Variants in GNAL observed in about 807,000 individuals in gnomAD.
GNAL encodes the protein G protein subunit alpha L, also known as guanine nucleotide-binding protein G(olf) subunit alpha.
Under a neutral mutation model 55.1 loss-of-function variants are expected in GNAL, and 18 were observed. That is an observed-to-expected ratio of 0.33 (90% confidence interval 0.23 to 0.48). GNAL has a LOEUF of 0.48. GNAL is among the 20% of genes least tolerant of loss of function. The pLI is 0.99. For synonymous variants in GNAL, 253 were observed against 237.0 expected (o/e 1.07, Z -0.62); for missense variants, 412 against 614.1 (o/e 0.67, Z 3.48).
intron 5 of GNAL, among the ~76,000 whole-genome samples, chr18:11,848,267 T>C (rs1404460423): frequency 6.6e-6 from 1 of 152,054 alleles, no homozygotes; most frequent in Non-Finnish European, 1.5e-5. Flanking sequence ...GCTGGGGAAC[T>C]GTCAGGGAGA....
At position 11,884,858 on chromosome 18, in the gene GNAL, G is replaced by A; in HGVS notation, c.*3723G>A. The A allele has an allele frequency of 3.7e-6, 5 of 1,363,686 alleles. No homozygotes were observed. Among genetic ancestry groups the A allele is most frequent in the Non-Finnish European group, 4.7e-6 (5 of 1,054,976 alleles). 84.5% of individuals were successfully genotyped at this position (1,363,686 alleles called of 1,614,324 possible). On this transcript the variant is annotated 3_prime_UTR_variant, in exon 12 of 12. Transcript: ENST00000334049. The stretch of plus-strand genomic sequence containing the variant: ...AGTAAGGCCCAAGTGTGCCTGAGTG[G>A]AAAATGTCTGGGACACTGACCTGTC...
At chr18:11,799,674 C>T (rs1057237284) in intron 4 of GNAL, among the ~76,000 whole-genome samples, 4 of 152,010 alleles carry the variant, frequency 2.6e-5, no homozygotes, top group African/African-American at 9.7e-5. Flanking sequence ...GCTCAACCTA[C>T]GTATAAAAAA....
At position 11,881,365 on chromosome 18, in the gene GNAL, T is replaced by C. The variant is rs764874926; in HGVS notation, c.*230T>C. On this transcript the variant is annotated 3_prime_UTR_variant, in exon 12 of 12. Coordinates refer to ENST00000334049, the MANE Select transcript of GNAL (RefSeq NM_182978.4). This position sits in a 1 kb window ranked among gnomAD's most constrained non-coding sequence, Gnocchi z 4.8. ...CCCACCCCCAAACCACCGACTCTCA[T>C]TGCCGACACTGCAGCAGAATCTCTC... is the stretch of plus-strand genomic sequence containing the variant. The C allele has an allele frequency of 1.6e-5, 7 of 443,150 alleles. No individual in the cohort carries two copies. The highest frequency in any genetic ancestry group is 5.9e-5 in the African/African-American group (3 of 50,790). The allele number at this position is 443,150 out of a possible 1,614,324, so 27.5% of individuals were successfully genotyped here. A position where few individuals can be genotyped will look rare whatever the true frequency, so the allele number is the denominator to read the frequency against.
chr18:11,797,966 G>T (rs542031066), intron 4 of GNAL, among the ~76,000 whole-genome samples: 2 of 152,274 alleles, frequency 1.3e-5, no homozygotes, highest in African/African-American at 4.8e-5. Context: ...AGACAGTGCT[G>T]TTATGAACAT....
intron 4 of GNAL, among the ~76,000 whole-genome samples, chr18:11,779,268 GT>G (rs2033865752): frequency 6.6e-6 from 1 of 152,204 alleles, no homozygotes. Context: ...CTTGCTGATA[GT>G]TTGTCATTGC....
Position 11,768,505 on chromosome 18 carries a change from G to A in GNAL, c.624+14560G>A, listed in dbSNP as rs554146245. 3.3e-5 allele frequency among the ~76,000 whole-genome samples: 5 copies of A among 152,084 alleles called. No homozygotes were observed. In the South Asian group the frequency reaches 1.0e-3, roughly 32 times the overall value. The stretch of plus-strand genomic sequence containing the variant: ...AATCCCAGCTACTCAGGCAGCTGAG[G>A]CAGGAGAATCGCTTGAACCCAGGAG... On this transcript the variant is annotated intron_variant, in intron 4 of 11. Coordinates refer to ENST00000334049, the MANE Select transcript of GNAL (RefSeq NM_182978.4).
intron 4 of GNAL, among the ~76,000 whole-genome samples, chr18:11,803,925 C>T (rs904015573): frequency 8.9e-5 from 13 of 145,386 alleles, no homozygotes; most frequent in Non-Finnish European, 1.8e-4. Context: ...GGATGGAACA[C>T]GGAGATACTA....
At chr18:11,875,508 T>C (rs1567905930) in intron 10 of GNAL, among the ~76,000 whole-genome samples, 1 of 152,204 alleles carries the variant, frequency 6.6e-6, no homozygotes, top group Non-Finnish European at 1.5e-5. Flanking sequence ...CACCATCCTC[T>C]TGACACTGTT....
At chr18:11,735,589 A>G (rs1177927505) in intron 1 of GNAL, among the ~76,000 whole-genome samples, 1 of 151,944 alleles carries the variant, frequency 6.6e-6, no homozygotes, top group African/African-American at 2.4e-5. Context: ...TGCCTCTACT[A>G]AAACTATAAA....
In GNAL at chr18:11,882,384, CAG is replaced by C. The variant is rs1288799908; in HGVS notation, c.*1250_*1251del. 6.6e-6 allele frequency: 1 copy of C among 152,110 alleles called. No homozygotes were observed. Among genetic ancestry groups the C allele is most frequent in the African/African-American group, 2.4e-5 (1 of 41,404 alleles). The allele number at this position is 152,110 out of a possible 1,614,324, so 9.4% of individuals were successfully genotyped here. On this transcript the variant is annotated 3_prime_UTR_variant, in exon 12 of 12. Coordinates refer to ENST00000334049, the MANE Select transcript of GNAL (RefSeq NM_182978.4). Reference sequence around the variant, plus strand: ...AGGCTACGTCATACAAGTAAGCAAACAGTAAGAGAAAAACAAAATGTGGCCAG... The same window carrying C: ...AGGCTACGTCATACAAGTAAGCAAACTAAGAGAAAAACAAAATGTGGCCAG...
intron 9 of GNAL, among the ~76,000 whole-genome samples, chr18:11,871,036 C>G (rs1330636538): frequency 6.6e-6 from 1 of 152,056 alleles, no homozygotes; most frequent in Non-Finnish European, 1.5e-5. Flanking sequence ...ACACTATGAT[C>G]TCGTTTTTAA....
intron 4 of GNAL, among the ~76,000 whole-genome samples, chr18:11,812,338 G>A (rs1329818661): frequency 6.6e-6 from 1 of 152,100 alleles, no homozygotes; most frequent in Non-Finnish European, 1.5e-5. Context: ...TGGCCCTGGG[G>A]GGCTATGAAG....
At chr18:11,829,656 G>T (rs1369596480) in intron 5 of GNAL, among the ~76,000 whole-genome samples, 1 of 152,168 alleles carries the variant, frequency 6.6e-6, no homozygotes, top group Non-Finnish European at 1.5e-5. Context: ...GAATTCCCCA[G>T]GGAATGTGTC....
intron 1 of GNAL, among the ~76,000 whole-genome samples, chr18:11,725,738 C>A (rs150841119): frequency 1.3e-5 from 2 of 152,276 alleles, no homozygotes; most frequent in Admixed American, 1.3e-4. Context: ...TGTGAGCATT[C>A]GTGTGCAGGT....
intron 4 of GNAL, among the ~76,000 whole-genome samples, chr18:11,758,705 CAA>C (rs2033142806): frequency 6.6e-6 from 1 of 152,130 alleles, no homozygotes; most frequent in African/African-American, 2.4e-5. Flanking sequence ...TGAATACACC[CAA>C]AGCTTCAGGT....
At chr18:11,708,396 T>A (rs556877421) in intron 1 of GNAL, among the ~76,000 whole-genome samples, 4 of 152,164 alleles carry the variant, frequency 2.6e-5, no homozygotes, top group African/African-American at 9.7e-5. Flanking sequence ...ACACCATTTA[T>A]CGATTGAGTT....
chr18:11,837,827 G>A (rs141952690), intron 5 of GNAL, among the ~76,000 whole-genome samples: 2 of 152,156 alleles, frequency 1.3e-5, no homozygotes, highest in African/African-American at 4.8e-5. Context: ...ACTCATAGCA[G>A]CATTATTCAT....
Position 11,689,614 on chromosome 18 carries a change from C to T in GNAL, c.51C>T (p.Asp17=). Reference sequence around the variant, plus strand: ...CGCTGCTTTTCGGGGGCCCAGGGGACGACCCCTGCGCGGCCTCGGAGCCGC... The same window carrying T: ...CGCTGCTTTTCGGGGGCCCAGGGGATGACCCCTGCGCGGCCTCGGAGCCGC... ...LRPLLFGGPG[D]DPCAASEPPV... The change falls in exon 1 of 12, where the codon GAC becomes GAT. Residue 17 remains aspartate, a synonymous_variant. Transcript: ENST00000334049. 21 of 1,347,424 alleles carry T rather than the reference C, an allele frequency of 1.6e-5. No homozygotes were observed. Among genetic ancestry groups the T allele is most frequent in the Non-Finnish European group, 2.0e-5 (21 of 1,060,150 alleles). The allele number at this position is 1,347,424 out of a possible 1,614,324, so 83.5% of individuals were successfully genotyped here. A position where few individuals can be genotyped will look rare whatever the true frequency, so the allele number is the denominator to read the frequency against.
At chr18:11,880,343 C>A (rs532847775) in intron 11 of GNAL, among the ~76,000 whole-genome samples, 2 of 149,788 alleles carry the variant, frequency 1.3e-5, no homozygotes, top group Non-Finnish European at 3.0e-5. Context: ...CCGAGGTGGG[C>A]GGATCACTTG....
Sources: allele counts gnomAD v4.1 joint callset (sites outside exome capture counted in the v4.1 genomes callset), GRCh38; gene constraint gnomAD v4.1.1; non-coding constraint Gnocchi (gnomAD v3.1); transcripts MANE v1.5; gene names NCBI Gene and HGNC (gene_info 2026-07-23, HGNC 2026-07-21).